The following PLXNC1 variants were observed in gnomAD, a reference collection of about 807,000 sequenced individuals.
PLXNC1 encodes the protein plexin-C1.
Under a neutral mutation model 178.2 loss-of-function variants are expected in PLXNC1, and 75 were observed. That is an observed-to-expected ratio of 0.42 (90% CI 0.35 to 0.51). PLXNC1 has a LOEUF of 0.51. PLXNC1 is among the 20% of genes least tolerant of loss of function. The pLI is 0.02. For synonymous variants in PLXNC1, 790 were observed against 779.9 expected (o/e 1.01, Z -0.22); for missense variants, 1,503 against 1,984.4 (o/e 0.76, Z 4.61).
intron 9 of PLXNC1, among the ~76,000 whole-genome samples, chr12:94,230,459 TAAAC>T (rs940708855): frequency 3.3e-5 from 5 of 152,144 alleles, no homozygotes; most frequent in East Asian, 1.9e-4. Context: ...AGGCTGAAAA[TAAAC>T]AAAAGCCCAG....
intron 30 of PLXNC1, 55 bp downstream of exon 30, chr12:94,304,106 TTA>T: frequency 9.0e-7 from 1 of 1,106,382 alleles, no homozygotes; most frequent in Non-Finnish European, 1.3e-6. Context: ...AAGGATGTGG[TTA>T]TAGCATTCTG....
Position 94,264,954 on chromosome 12 carries a change from C to T in PLXNC1, c.3451-125C>T, listed in dbSNP as rs555149400. 7 of 935,250 alleles carry T rather than the reference C, an allele frequency of 7.5e-6. No individual in the cohort carries two copies. In the East Asian group the frequency reaches 9.7e-5, roughly 13 times the overall value. 57.9% of individuals were successfully genotyped at this position (935,250 alleles called of 1,614,324 possible). A position where few individuals can be genotyped will look rare whatever the true frequency, so the allele number is the denominator to read the frequency against. ...GTGGAGCAACGTGTATTTTCTTGGG[C>T]GTTTCATGTTGAGTGTTAGAAAACC... On this transcript the variant is annotated intron_variant, in intron 20 of 30. Coordinates refer to ENST00000258526, the MANE Select transcript of PLXNC1 (RefSeq NM_005761.3).
intron 21 of PLXNC1, among the ~76,000 whole-genome samples, chr12:94,278,373 G>C (rs1270334592): frequency 1.3e-5 from 2 of 152,166 alleles, no homozygotes; most frequent in African/African-American, 4.8e-5. Flanking sequence ...GTAAAACTTT[G>C]TTGTTTTAGA....
chr12:94,182,859 G>GTATCTATCTATC (rs59933010), intron 3 of PLXNC1, among the ~76,000 whole-genome samples: 1,613 of 143,960 alleles, frequency 0.011, 9 homozygotes, highest in East Asian at 0.018. Flanking sequence ...AAGAATATCT[G>GTATCTATCTATC]TATCTATCTA....
chr12:94,191,783 G>C (rs2135976202), intron 4 of PLXNC1, among the ~76,000 whole-genome samples: 1 of 151,608 alleles, frequency 6.6e-6, no homozygotes, highest in African/African-American at 2.4e-5. Flanking sequence ...AAAAAAAAGG[G>C]AATAGGCATC....
At chr12:94,276,638 T>G (rs1965983689) in intron 21 of PLXNC1, among the ~76,000 whole-genome samples, 1 of 152,188 alleles carries the variant, frequency 6.6e-6, no homozygotes, top group African/African-American at 2.4e-5. Context: ...GTTCCCTCAC[T>G]CTACAACAGG....
At chr12:94,211,528 A>G (rs927592505) in intron 5 of PLXNC1, among the ~76,000 whole-genome samples, 7 of 147,196 alleles carry the variant, frequency 4.8e-5, no homozygotes, top group Non-Finnish European at 7.6e-5. Context: ...GTTCAGTTCC[A>G]CCTATTAGCT....
chr12:94,198,534 G>T (rs1963005415), intron 4 of PLXNC1, among the ~76,000 whole-genome samples: 1 of 152,134 alleles, frequency 6.6e-6, no homozygotes, highest in Admixed American at 6.5e-5. Context: ...CTGCCCTCAT[G>T]GAGTTCCCTC....
At chr12:94,299,565 CTCT>C (rs930682470) in intron 27 of PLXNC1, among the ~76,000 whole-genome samples, 1 of 140,774 alleles carries the variant, frequency 7.1e-6, no homozygotes, top group African/African-American at 2.6e-5. Flanking sequence ...GTGTTCTAGC[CTCT>C]TTTTTTTTGA....
chr12:94,290,902 G>T (rs1967250099), intron 23 of PLXNC1, among the ~76,000 whole-genome samples: 1 of 152,216 alleles, frequency 6.6e-6, no homozygotes. Context: ...CAGAATGAAG[G>T]AGATTTGTGG....
In PLXNC1 at chr12:94,307,477, A is replaced by G. The variant is rs543063135; in HGVS notation, c.*2192A>G. ...AATTTCTATTTTCAAGTTTCTTTGC[A>G]TATTTTTTTGGTGCAAAACCATTTA... On this transcript the variant is annotated 3_prime_UTR_variant, in exon 31 of 31. Coordinates refer to ENST00000258526, the MANE Select transcript of PLXNC1 (RefSeq NM_005761.3). 5 of 152,322 alleles carry G rather than the reference A, an allele frequency of 3.3e-5. No homozygotes were observed. In the East Asian group the frequency reaches 7.7e-4, roughly 23 times the overall value. The allele number at this position is 152,322 out of a possible 1,614,324, so 9.4% of individuals were successfully genotyped here.
At chr12:94,186,500 C>T (rs1049370501) in intron 4 of PLXNC1, 27 bp downstream of exon 4, 2 of 1,506,440 alleles carry the variant, frequency 1.3e-6, no homozygotes, top group East Asian at 2.3e-5. Flanking sequence ...TTCTCACCAA[C>T]TCGCATTTTT....
intron 4 of PLXNC1, among the ~76,000 whole-genome samples, chr12:94,202,778 G>C (rs544186478): frequency 9.9e-5 from 15 of 152,176 alleles, no homozygotes; most frequent in Admixed American, 8.5e-4. Context: ...GCAGTCTAGA[G>C]AGATAGACTC....
At chr12:94,266,096 G>A (rs1965223642) in intron 21 of PLXNC1, among the ~76,000 whole-genome samples, 1 of 152,346 alleles carries the variant, frequency 6.6e-6, no homozygotes, top group East Asian at 1.9e-4. Flanking sequence ...TTTGGGAATT[G>A]CTCATTAAGA....
intron 10 of PLXNC1, 88 bp downstream of exon 10, chr12:94,237,891 T>C (rs1964285216): frequency 1.5e-6 from 2 of 1,350,782 alleles, no homozygotes; most frequent in South Asian, 2.7e-5. Flanking sequence ...AACCTTAATA[T>C]AGTCAAATTA....
intron 1 of PLXNC1, among the ~76,000 whole-genome samples, chr12:94,153,899 C>T (rs1429197635): frequency 6.6e-6 from 1 of 152,194 alleles, no homozygotes; most frequent in Admixed American, 6.5e-5. Context: ...TTCCACTTGG[C>T]GATGCAGCCT....
intron 28 of PLXNC1, among the ~76,000 whole-genome samples, chr12:94,302,672 G>A (rs185092879): frequency 1.1e-3 from 169 of 152,216 alleles, no homozygotes; most frequent in African/African-American, 3.7e-3. Flanking sequence ...TTGATGTTCT[G>A]GGAGGTTACA....
At chr12:94,261,237 T>A (rs1224566237) in intron 20 of PLXNC1, among the ~76,000 whole-genome samples, 1 of 152,258 alleles carries the variant, frequency 6.6e-6, no homozygotes, top group East Asian at 1.9e-4. Context: ...TGTAAGCTAA[T>A]TGCAGTCAAT....
rs1471095387 is a variant in PLXNC1 at position 94,298,616 on chromosome 12, G to A, written c.4075-16G>A. 6.4e-7 allele frequency: 1 copy of A among 1,569,494 alleles called. No homozygotes were observed. Among genetic ancestry groups the A allele is most frequent in the African/African-American group, 1.4e-5 (1 of 72,424 alleles). Reference sequence around the variant, plus strand: ...CAGTTTTTAATCTCCCAAATCTGATGTTGTCTATCTTTCAGGTGGCAATTC... The same window carrying A: ...CAGTTTTTAATCTCCCAAATCTGATATTGTCTATCTTTCAGGTGGCAATTC... On this transcript the variant is annotated splice_polypyrimidine_tract_variant and intron_variant, in intron 26 of 30. Coordinates refer to ENST00000258526, the MANE Select transcript of PLXNC1 (RefSeq NM_005761.3).
Sources: gnomAD v4.1 joint callset for allele counts (sites outside exome capture counted in the v4.1 genomes callset) on GRCh38, gnomAD v4.1.1 for gene constraint, MANE v1.5 for transcripts, NCBI Gene and HGNC (gene_info 2026-07-23, HGNC 2026-07-21) for gene names.